Variants in ZNF410 observed in about 807,000 individuals in gnomAD.
ZNF410 encodes the protein another partner for ARF 1.
In ZNF410, 18 loss-of-function variants were observed where a neutral mutation model predicts 54.8. That is an observed-to-expected ratio of 0.33 (90% CI 0.23 to 0.49). The LOEUF is 0.49. Among genes scored for constraint, ZNF410 ranks in the 20% least tolerant of loss-of-function variants. The pLI, the probability that ZNF410 is intolerant of heterozygous loss-of-function variation, is 0.99. For missense variants in ZNF410, 405 were observed against 569.6 expected (o/e 0.71, Z 2.94); for synonymous variants, 191 against 207.3 (o/e 0.92, Z 0.68).
intron 3 of ZNF410, 140 bp from the exon 4 acceptor site, chr14:73,896,176 A>G (rs144914786): frequency 9.4e-5 from 61 of 652,248 alleles, no homozygotes; most frequent in Middle Eastern, 4.2e-4. Context: ...CTGTGAGACA[A>G]AGTTTTTATT....
intron 8 of ZNF410, among the ~76,000 whole-genome samples, chr14:73,918,985 A>C (rs1594763327): frequency 3.3e-5 from 4 of 119,648 alleles, no homozygotes; most frequent in South Asian, 2.8e-4. Context: ...GGAGTAAGCC[A>C]CCGTGCCCGG....
intron 10 of ZNF410, 133 bp from the exon 11 acceptor site, chr14:73,923,262 A>T: frequency 9.6e-7 from 1 of 1,044,634 alleles, no homozygotes; most frequent in Non-Finnish European, 1.3e-6. Flanking sequence ...AGACAGGATT[A>T]ACTTGGAAGA....
intron 3 of ZNF410, among the ~76,000 whole-genome samples, 159 bp downstream of exon 3, chr14:73,894,091 T>C (rs2055273560): frequency 6.6e-6 from 1 of 152,080 alleles, no homozygotes; most frequent in African/African-American, 2.4e-5. Context: ...CATTAGTGCA[T>C]TGGTAGTTTA....
rs375182218 is a variant in ZNF410 at position 73,904,965 on chromosome 14, G to A, written c.795G>A (p.Arg265=). 15 of 1,614,096 alleles carry A rather than the reference G, an allele frequency of 9.3e-6. No individual in the cohort carries two copies. The highest frequency in any genetic ancestry group is 1.6e-4 in the Middle Eastern group (1 of 6,078). The change falls in exon 7 of 12, where the codon AGG becomes AGA. Residue 265 remains arginine (R), a synonymous_variant. Transcript: ENST00000555044. ...GCGKSFYVLQ[R]LKVHMRTHNG... is the part of the protein sequence containing the mutation. Reference sequence around the variant, plus strand: ...GGAAAAGCTTCTATGTGCTGCAGAGGCTGAAGGTGCACATGAGGACCCACA... The same window carrying A: ...GGAAAAGCTTCTATGTGCTGCAGAGACTGAAGGTGCACATGAGGACCCACA...
intron 10 of ZNF410, 75 bp downstream of exon 10, chr14:73,922,281 A>G (rs1297465562): frequency 1.4e-6 from 2 of 1,449,570 alleles, no homozygotes; most frequent in Non-Finnish European, 9.4e-7. Flanking sequence ...TGTCTCCACA[A>G]TGTATGTTTA....
intron 1 of ZNF410, among the ~76,000 whole-genome samples, chr14:73,889,795 G>GTTT (rs36076151): frequency 8.3e-6 from 1 of 119,882 alleles, no homozygotes; most frequent in Non-Finnish European, 1.8e-5. Context: ...TAAATGGTTA[G>GTTT]TTTTTTTTTT....
At chr14:73,915,856 C>CT (rs1188494070) in intron 8 of ZNF410, 1 of 152,124 alleles carries the variant, frequency 6.6e-6, no homozygotes, top group Non-Finnish European at 1.5e-5. Flanking sequence ...GTAAAACCAA[C>CT]TTTGTGTTTC....
chr14:73,915,457 C>T (rs1335451883), intron 8 of ZNF410, among the ~76,000 whole-genome samples: 1 of 151,696 alleles, frequency 6.6e-6, no homozygotes, highest in Non-Finnish European at 1.5e-5. Context: ...CCTGCCTCAG[C>T]CTTCCGAGTA....
intron 11 of ZNF410, chr14:73,924,849 T>G (rs867869894): frequency 3.0e-6 from 1 of 332,112 alleles, no homozygotes; most frequent in South Asian, 2.2e-5. Flanking sequence ...GCTAATTTTT[T>G]TGTATTTTTA....
At chr14:73,917,801 T>C (rs8017051) in intron 8 of ZNF410, among the ~76,000 whole-genome samples, 76,543 of 151,816 alleles carry the variant, frequency 0.5, 19,372 homozygotes, top group South Asian at 0.61. Context: ...CCAGCCTGGG[T>C]GACAGAGTGA....
At chr14:73,897,497 A>AAC (rs1409207664) in intron 4 of ZNF410, among the ~76,000 whole-genome samples, 1 of 152,170 alleles carries the variant, frequency 6.6e-6, no homozygotes, top group Non-Finnish European at 1.5e-5. Flanking sequence ...TAATTGAAGA[A>AAC]TGAGAATGAA....
intron 5 of ZNF410, among the ~76,000 whole-genome samples, chr14:73,902,781 A>G (rs570394686): frequency 6.6e-6 from 1 of 152,290 alleles, no homozygotes; most frequent in South Asian, 2.1e-4. Flanking sequence ...ACCACCTGCT[A>G]ATCTGGAATT....
chr14:73,888,367 A>G (rs2055175673), intron 1 of ZNF410: 1 of 152,228 alleles, frequency 6.6e-6, no homozygotes, highest in Admixed American at 6.5e-5. Context: ...AGAAAAATGT[A>G]GGTATCATTT....
chr14:73,919,361 A>G (rs2055721538), intron 8 of ZNF410, among the ~76,000 whole-genome samples: 1 of 152,034 alleles, frequency 6.6e-6, no homozygotes, highest in Non-Finnish European at 1.5e-5. Context: ...ATATTCCAAG[A>G]TGCTGAAGTT....
chr14:73,900,068 G>T (rs1356243230), intron 5 of ZNF410, among the ~76,000 whole-genome samples: 9 of 148,888 alleles, frequency 6.0e-5, no homozygotes. Context: ...GGTGGCGCAT[G>T]CATGTAATCC....
At position 73,932,181 on chromosome 14, in the gene ZNF410, A is replaced by G. The variant is rs1280166856; in HGVS notation, c.*640A>G. 5.7e-6 allele frequency: 2 copies of G among 348,816 alleles called. No individual in the cohort carries two copies. The highest frequency in any genetic ancestry group is 1.1e-5 in the Non-Finnish European group (2 of 180,596). 21.6% of individuals were successfully genotyped at this position (348,816 alleles called of 1,614,324 possible). The stretch of plus-strand genomic sequence containing the variant: ...CTTCGTTAATGGAACATACAGTAGC[A>G]TGTTAAGAGGGATTTCATGTTTTTG... On this transcript the variant is annotated 3_prime_UTR_variant, in exon 12 of 12. Transcript: ENST00000555044.
chr14:73,929,033 T>C (rs1186511387), intron 11 of ZNF410, among the ~76,000 whole-genome samples: 1 of 152,162 alleles, frequency 6.6e-6, no homozygotes, highest in African/African-American at 2.4e-5. Flanking sequence ...TAGAAAAATA[T>C]TAACAACACA....
chr14:73,923,462 C>A lies in ZNF410; in HGVS notation c.1338C>A (p.Thr446=). 6.2e-7 allele frequency: 1 copy of A among 1,614,016 alleles called. No homozygotes were observed. The change falls in exon 11 of 12, where the codon ACC becomes ACA. Residue 446 remains threonine, a synonymous_variant. Transcript: ENST00000555044. The stretch of plus-strand genomic sequence containing the variant: ...CTGATGTGACACATCACCTGGTGAC[C>A]ATGCAGTCAGGGAGGCAATCATATG... ...SVPDVTHHLV[T]MQSGRQSYEV...
intron 8 of ZNF410, among the ~76,000 whole-genome samples, chr14:73,919,930 A>G (rs1458687456): frequency 1.8e-5 from 2 of 112,450 alleles, no homozygotes; most frequent in Non-Finnish European, 3.4e-5. Flanking sequence ...GGACTACTGC[A>G]GTATCTATAG....
Sources: gnomAD v4.1 joint callset for allele counts (sites outside exome capture counted in the v4.1 genomes callset) on GRCh38, gnomAD v4.1.1 for gene constraint, MANE v1.5 for transcripts, NCBI Gene and HGNC (gene_info 2026-07-23, HGNC 2026-07-21) for gene names.